The following CENPK variants were observed in gnomAD, a reference collection of about 807,000 sequenced individuals.
CENPK encodes the protein centromere protein K.
In CENPK, 46 loss-of-function variants were observed where a neutral mutation model predicts 40.9. That is an observed-to-expected ratio of 1.13 (90% CI 0.89 to 1.44). The LOEUF is 1.44. CENPK is among the 40% of genes most tolerant of loss of function. The pLI, the probability that CENPK is intolerant of heterozygous loss-of-function variation, is 0.00. For missense variants in CENPK, 288 were observed against 303.5 expected (o/e 0.95, Z 0.38); for synonymous variants, 107 against 104.4 (o/e 1.02, Z -0.15).
chr5:65,523,383 T>C (rs2150350239), intron 9 of CENPK, among the ~76,000 whole-genome samples: 1 of 152,330 alleles, frequency 6.6e-6, no homozygotes, highest in Admixed American at 6.5e-5. Flanking sequence ...CCTACTACGG[T>C]GACAACTATT....
At chr5:65,499,662 TTTTAA>T in the CENPK span, among the ~76,000 whole-genome samples, 2 of 97,162 alleles carry the variant, frequency 2.1e-5, no homozygotes, top group African/African-American at 1.2e-4. Flanking sequence ...TTTTTTTTTT[TTTTAA>T]TTTTTTTTTT....
chr5:65,520,175 G>A (rs1033383608), intron 10 of CENPK, among the ~76,000 whole-genome samples: 2 of 152,042 alleles, frequency 1.3e-5, no homozygotes, highest in African/African-American at 2.4e-5. Flanking sequence ...GTGAGTTCTC[G>A]CAAGATCCGG....
intron 9 of CENPK, among the ~76,000 whole-genome samples, chr5:65,523,169 T>C: frequency 6.6e-6 from 1 of 152,200 alleles, no homozygotes; most frequent in East Asian, 1.9e-4. Flanking sequence ...TAGTCTTCAA[T>C]CTGTCATCCA....
At chr5:65,546,998 T>C (rs6895641) in intron 5 of CENPK, among the ~76,000 whole-genome samples, 55,572 of 151,992 alleles carry the variant, frequency 0.37, 10,714 homozygotes, top group East Asian at 0.65. Context: ...CTGGAGAATA[T>C]GAACATATGG....
chr5:65,502,268 G>A, the CENPK span, among the ~76,000 whole-genome samples: 1 of 152,156 alleles, frequency 6.6e-6, no homozygotes, highest in East Asian at 1.9e-4. Flanking sequence ...TTCCATTGGT[G>A]TTTTCAAGGT....
At chr5:65,528,716 C>G in intron 8 of CENPK, 138 bp from the exon 9 acceptor site, 24 of 1,180,286 alleles carry the variant, frequency 2.0e-5, no homozygotes, top group Non-Finnish European at 2.7e-5. Context: ...TTTTGAAAAT[C>G]ATATTGTCTA....
downstream of CENPK, among the ~76,000 whole-genome samples, chr5:65,514,191 C>A (rs1357258170): frequency 7.3e-6 from 1 of 136,582 alleles, no homozygotes; most frequent in African/African-American, 2.8e-5. Context: ...AACATCTTTA[C>A]CTAATTTTGT....
At chr5:65,536,513 A>G (rs1400359656) in intron 6 of CENPK, among the ~76,000 whole-genome samples, 1 of 152,162 alleles carries the variant, frequency 6.6e-6, no homozygotes, top group Non-Finnish European at 1.5e-5. Flanking sequence ...CTGTACTCCT[A>G]GCTACTTGGG....
At chr5:65,549,486 A>G (rs982509852) in intron 5 of CENPK, among the ~76,000 whole-genome samples, 1 of 152,318 alleles carries the variant, frequency 6.6e-6, no homozygotes, top group African/African-American at 2.4e-5. Flanking sequence ...TAACTATAAG[A>G]GTCCTAGATG....
In CENPK at chr5:65,542,846, T is replaced by C. The variant is rs1438182467; in HGVS notation, c.244A>G (p.Ile82Val). Residue 82 changes from isoleucine to valine, a missense_variant and splice_region_variant, in exon 6 of 11, where the codon ATT becomes GTT. By Grantham distance (29) the Ile-to-Val change is conservative. Coordinates refer to ENST00000396679, the MANE Select transcript of CENPK (RefSeq NM_022145.5). ...ATGAGAACGTCTTCAGTCAAGGGAA[T>C]TGCTACAAAAACAAAACAAAACAAA... ...SQWQKKTPET[I>V]PLTEDVLITL... is the part of the protein sequence containing the mutation. 5.6e-6 allele frequency: 9 copies of C among 1,608,890 alleles called. No homozygotes were observed. Among genetic ancestry groups the C allele is most frequent in the Admixed American group, 1.7e-5 (1 of 59,190 alleles).
chr5:65,542,764 A>G, intron 6 of CENPK, 38 bp downstream of exon 6: 1 of 1,505,146 alleles, frequency 6.6e-7, no homozygotes, highest in East Asian at 2.3e-5. Flanking sequence ...CTAGTTAGAA[A>G]TTATTTGGGG....
At chr5:65,529,264 T>C in intron 6 of CENPK, 65 bp from the exon 7 acceptor site, 1 of 1,085,000 alleles carries the variant, frequency 9.2e-7, no homozygotes, top group Non-Finnish European at 1.4e-6. Flanking sequence ...TGAACGATAG[T>C]CAAATTTACA....
intron 6 of CENPK, among the ~76,000 whole-genome samples, chr5:65,530,990 T>C (rs1340175467): frequency 1.3e-5 from 2 of 151,848 alleles, no homozygotes; most frequent in Non-Finnish European, 1.5e-5. Context: ...AAAAACAGGA[T>C]GAAAAGAAAG....
At chr5:65,562,391 C>A (rs1752150020) in intron 1 of CENPK, among the ~76,000 whole-genome samples, 1 of 152,018 alleles carries the variant, frequency 6.6e-6, no homozygotes, top group East Asian at 1.9e-4. Flanking sequence ...TAATGGGAAC[C>A]TTTGAAATAA....
intron 5 of CENPK, among the ~76,000 whole-genome samples, chr5:65,549,230 G>C (rs1001249971): frequency 6.6e-6 from 1 of 152,062 alleles, no homozygotes; most frequent in South Asian, 2.1e-4. Context: ...CTGAGTGGTA[G>C]GTCTCAACAG....
At chr5:65,508,525 C>T in the CENPK span, among the ~76,000 whole-genome samples, 1 of 152,168 alleles carries the variant, frequency 6.6e-6, no homozygotes, top group African/African-American at 2.4e-5. Context: ...TGGCTCATGC[C>T]TGTAAGCCCA....
At chr5:65,561,194 C>G (rs1483934849) in intron 2 of CENPK, 1 of 197,778 alleles carries the variant, frequency 5.1e-6, no homozygotes, top group Non-Finnish European at 1.1e-5. Context: ...AAAATCTCAC[C>G]TGCTATACCC....
rs568434083 is a variant in CENPK at position 65,561,567 on chromosome 5, G to C, written c.-141-3C>G. ...TCTTGAATCTCCAGCCTCTAGACCTGTGAGAAATAAATTTCAGTTGTTTAA... is the reference window on the plus strand; with the variant it reads ...TCTTGAATCTCCAGCCTCTAGACCTCTGAGAAATAAATTTCAGTTGTTTAA... On this transcript the variant is annotated splice_polypyrimidine_tract_variant and splice_region_variant and intron_variant, in intron 1 of 10. Transcript: ENST00000396679. The C allele has an allele frequency of 4.5e-6, 2 of 447,392 alleles. No individual in the cohort carries two copies. The highest frequency in any genetic ancestry group is 1.4e-4 in the East Asian group (2 of 14,284). The allele number at this position is 447,392 out of a possible 1,614,324, so 27.7% of individuals were successfully genotyped here.
chr5:65,533,380 A>G (rs1391159819), intron 6 of CENPK, among the ~76,000 whole-genome samples: 1 of 151,926 alleles, frequency 6.6e-6, no homozygotes, highest in East Asian at 1.9e-4. Context: ...TAAAATAACA[A>G]AATAAAATAA....
Sources: gnomAD v4.1 joint callset for allele counts (sites outside exome capture counted in the v4.1 genomes callset) on GRCh38, gnomAD v4.1.1 for gene constraint, MANE v1.5 for transcripts, NCBI Gene and HGNC (gene_info 2026-07-23, HGNC 2026-07-21) for gene names.